PPP2R2B: variants seen among roughly 807,000 people sequenced by gnomAD.
PPP2R2B encodes the protein serine/threonine-protein phosphatase 2A 55 kDa regulatory subunit B beta isoform.
Under a neutral mutation model 46.0 loss-of-function variants are expected in PPP2R2B, and 5 were observed. The ratio of observed to expected loss-of-function variants is 0.11; its 90% CI spans 0.06 to 0.23. PPP2R2B has a LOEUF of 0.23. PPP2R2B is among the 10% of genes least tolerant of loss of function. The pLI is 1.00. For missense variants in PPP2R2B, 367 were observed against 575.0 expected (o/e 0.64, Z 3.70); for synonymous variants, 215 against 206.7 (o/e 1.04, Z -0.34).
chr5:146,605,918 T>C (rs187229269), intron 7 of PPP2R2B, among the ~76,000 whole-genome samples: 4 of 152,332 alleles, frequency 2.6e-5, no homozygotes, highest in Admixed American at 1.3e-4. Flanking sequence ...TTTTCTGTTA[T>C]AACATGTACA....
At chr5:147,069,783 C>CTTTTTTTTTTTT (rs1561611794) in intron 2 of PPP2R2B, among the ~76,000 whole-genome samples, 4 of 48,430 alleles carry the variant, frequency 8.3e-5, no homozygotes, top group African/African-American at 3.5e-4. Context: ...ACATTTTATA[C>CTTTTTTTTTTTT]TGTTTTTTTT....
chr5:147,021,994 G>C (rs887895369), intron 1 of PPP2R2B, among the ~76,000 whole-genome samples: 8 of 151,884 alleles, frequency 5.3e-5, no homozygotes, highest in African/African-American at 1.4e-4. Context: ...AATACCTAAA[G>C]GAACTTCCGG....
At position 146,583,828 on chromosome 5, in the gene PPP2R2B, G is replaced by A. The variant is rs569955772; in HGVS notation, c.*6119C>T. ...TACTCCAGCTTCCTCAGTCTTCCAT[G>A]ACTCCCACAAGTATGTATTACTCTG... On this transcript the variant is annotated 3_prime_UTR_variant, in exon 10 of 10. Coordinates refer to ENST00000394411, the MANE Select transcript of PPP2R2B (RefSeq NM_181675.4). The A allele has an allele frequency of 6.6e-6, 1 of 152,272 alleles. No homozygotes were observed. The highest frequency in any genetic ancestry group is 1.9e-4 in the East Asian group (1 of 5,186). The allele number at this position is 152,272 out of a possible 1,614,324, so 9.4% of individuals were successfully genotyped here. A position where few individuals can be genotyped will look rare whatever the true frequency, so the allele number is the denominator to read the frequency against.
In PPP2R2B at chr5:146,677,933, T is replaced by G. The variant is rs58163975; in HGVS notation, c.447+13195A>C. The stretch of plus-strand genomic sequence containing the variant: ...ATGACTATATGTATGGAATCCTTTT[T>G]AAATAAGTGGCAGGTAAGATTAATG... On this transcript the variant is annotated intron_variant, in intron 5 of 9. Transcript: ENST00000394411. Among the ~76,000 whole-genome samples the G allele has an allele frequency of 7.8e-3, 1,193 of 152,312 alleles. 19 individuals are homozygous for G. Among genetic ancestry groups the G allele is most frequent in the African/African-American group, 0.028 (1,145 of 41,564 alleles).
In PPP2R2B at chr5:146,990,766, G is replaced by A. The variant is rs1030213941; in HGVS notation, c.79+64899C>T. ...TTTACAGATAAGGAAACAATCAACC[G>A]AGTGAAGAGTAAAATATGGAGGGGT... On this transcript the variant is annotated intron_variant, in intron 1 of 8. Transcript: ENST00000336640. Among the ~76,000 whole-genome samples, 18 of 152,082 alleles carry A rather than the reference G, an allele frequency of 1.2e-4. No individual in the cohort carries two copies. The South Asian group carries it at 1.7e-3, about 14-fold the overall frequency.
intron 2 of PPP2R2B, among the ~76,000 whole-genome samples, chr5:146,811,828 A>C (rs1030563388): frequency 2.6e-5 from 4 of 151,362 alleles, no homozygotes; most frequent in Admixed American, 1.3e-4. Context: ...CGGCCACCCA[A>C]AGTGCTGGGA....
intron 1 of PPP2R2B, among the ~76,000 whole-genome samples, chr5:146,916,086 TA>T (rs765371405): frequency 4.6e-5 from 7 of 152,010 alleles, no homozygotes; most frequent in Non-Finnish European, 8.8e-5. Context: ...CTAAAGAAAA[TA>T]AAAAATTGTA....
At chr5:146,905,169 A>T (rs979568823) in intron 1 of PPP2R2B, among the ~76,000 whole-genome samples, 2 of 152,176 alleles carry the variant, frequency 1.3e-5, no homozygotes, top group African/African-American at 2.4e-5. Context: ...GACATGGAGC[A>T]ATTGGGACTC....
chr5:146,781,478 C>T (rs968055403), intron 2 of PPP2R2B, among the ~76,000 whole-genome samples: 2 of 151,668 alleles, frequency 1.3e-5, no homozygotes, highest in Non-Finnish European at 2.9e-5. Flanking sequence ...TTTACGTTAA[C>T]ACAAAAATCT....
chr5:146,878,727 AGCT>A lies in PPP2R2B; in HGVS notation c.-264_-262del, dbSNP rs10591869. 0.03 allele frequency: 38,825 copies of A among 1,278,638 alleles called. 1,618 individuals carry two copies. The highest frequency in any genetic ancestry group is 0.19 in the African/African-American group (12,453 of 63,980). 79.2% of individuals were successfully genotyped at this position (1,278,638 alleles called of 1,614,324 possible). ...CTCACACCCACACGCGCGCACTCGC[AGCT>A]GCTGCTGCTGCTGCTGCTGCTGCTG... On this transcript the variant is annotated 5_prime_UTR_variant, in exon 1 of 10. Transcript: ENST00000394411. The surrounding 1 kb of genome is among the most constrained non-coding windows in gnomAD (Gnocchi z 4.5).
At position 146,589,402 on chromosome 5, in the gene PPP2R2B, G is replaced by T; in HGVS notation, c.*545C>A. ...TCTCAGCTTCATGCAATAAATCTCT[G>T]GCTTAAATGAAATTGTTCAAAGGAA... On this transcript the variant is annotated 3_prime_UTR_variant, in exon 10 of 10. Transcript: ENST00000394411. The T allele has an allele frequency of 6.5e-6, 1 of 153,916 alleles. No individual in the cohort carries two copies. Among genetic ancestry groups the T allele is most frequent in the Non-Finnish European group, 1.4e-5 (1 of 69,104 alleles). 9.5% of individuals were successfully genotyped at this position (153,916 alleles called of 1,614,324 possible).
chr5:146,790,778 T>C (rs1385399892), intron 2 of PPP2R2B, among the ~76,000 whole-genome samples: 1 of 151,952 alleles, frequency 6.6e-6, no homozygotes, highest in Non-Finnish European at 1.5e-5. Context: ...GCAGGAAGAG[T>C]GAAGCATTAT....
chr5:146,875,901 C>A (rs1761871077), intron 2 of PPP2R2B, among the ~76,000 whole-genome samples: 1 of 152,178 alleles, frequency 6.6e-6, no homozygotes. Context: ...CCCCCTCTGG[C>A]AACAAAATTG....
chr5:146,746,643 T>C (rs1753210645), intron 2 of PPP2R2B, among the ~76,000 whole-genome samples: 2 of 152,242 alleles, frequency 1.3e-5, no homozygotes, highest in South Asian at 4.1e-4. Flanking sequence ...TTCCTTGCGC[T>C]ACCCCTGCTA....
chr5:146,912,074 C>T (rs1273006089), intron 1 of PPP2R2B, among the ~76,000 whole-genome samples: 5 of 151,872 alleles, frequency 3.3e-5, no homozygotes, highest in Non-Finnish European at 7.4e-5. Flanking sequence ...CCTGTCTCTA[C>T]TAAAATACAA....
intron 7 of PPP2R2B, among the ~76,000 whole-genome samples, chr5:146,625,870 G>A (rs374591861): frequency 5.9e-5 from 9 of 152,178 alleles, no homozygotes; most frequent in Non-Finnish European, 1.2e-4. Flanking sequence ...CCTTAAAAGT[G>A]GAAGAGAGAG....
At chr5:146,673,848 T>A (rs1176956864) in intron 5 of PPP2R2B, among the ~76,000 whole-genome samples, 1 of 152,194 alleles carries the variant, frequency 6.6e-6, no homozygotes, top group Non-Finnish European at 1.5e-5. Context: ...ATCCACAGAA[T>A]CTCAAACTGA....
intron 1 of PPP2R2B, among the ~76,000 whole-genome samples, chr5:147,050,354 G>A (rs1192269808): frequency 1.3e-5 from 2 of 152,154 alleles, no homozygotes; most frequent in African/African-American, 4.8e-5. Flanking sequence ...AAAATGAGTA[G>A]TCAGGGAAAG....
chr5:146,943,448 T>G (rs1191407914), intron 1 of PPP2R2B, among the ~76,000 whole-genome samples: 1 of 152,200 alleles, frequency 6.6e-6, no homozygotes, highest in East Asian at 1.9e-4. Flanking sequence ...TTATCAACAT[T>G]CTTGCTGTAA....
Sources: allele counts gnomAD v4.1 joint callset (sites outside exome capture counted in the v4.1 genomes callset), GRCh38; gene constraint gnomAD v4.1.1; non-coding constraint Gnocchi (gnomAD v3.1); transcripts MANE v1.5; gene names NCBI Gene and HGNC (gene_info 2026-07-23, HGNC 2026-07-21).